MYO7B: variants seen among roughly 807,000 people sequenced by gnomAD.
MYO7B encodes myosin VIIB.
In MYO7B, 212 loss-of-function variants were observed where a neutral mutation model predicts 259.7. The observed-to-expected ratio is 0.82, with a 90% CI of 0.73 to 0.91. The LOEUF (loss-of-function observed/expected upper bound fraction) is 0.91. Among genes scored for constraint, MYO7B ranks in the 40% least tolerant of loss-of-function variants. MYO7B has a pLI of 0.00. For synonymous variants in MYO7B, 1,197 were observed against 1,166.4 expected, an observed-to-expected ratio of 1.03 and a Z score of -0.54; for missense variants, 2,732 against 2,813.5, an observed-to-expected ratio of 0.97 and a Z score of 0.66.
rs1678280637 is a variant in MYO7B at position 127,565,217 on chromosome 2, G to C, written c.133-16G>C. The C allele has an allele frequency of 6.2e-7, 1 of 1,611,500 alleles. No homozygotes were observed. Among genetic ancestry groups the C allele is most frequent in the Non-Finnish European group, 8.5e-7 (1 of 1,178,672 alleles). On this transcript the variant is annotated splice_polypyrimidine_tract_variant and intron_variant, in intron 3 of 47. Transcript: ENST00000409816. Reference sequence around the variant, plus strand: ...TGGAGGCCACCCCTCAGGGGAGTCTGCACCCATTGTTCCAGGAACACTGGA... The same window carrying C: ...TGGAGGCCACCCCTCAGGGGAGTCTCCACCCATTGTTCCAGGAACACTGGA...
At position 127,633,346 on chromosome 2, in the gene MYO7B, C is replaced by T. The variant is rs747106835; in HGVS notation, c.5494C>T (p.Pro1832Ser). 2.5e-6 allele frequency: 4 copies of T among 1,612,862 alleles called. No individual in the cohort carries two copies. In the Admixed American group the frequency reaches 6.7e-5, roughly 27 times the overall value. The stretch of plus-strand genomic sequence containing the variant: ...CCGCATCTGCCACAAGATCTACTTC[C>T]CCAATGACACCAGTGAGGTGAGGCC... ...VSRICHKIYF[P>S]NDTSEMLEVV... is the part of the protein sequence containing the mutation. The change falls in exon 40 of 48, where the codon CCC (proline) becomes TCC (serine). Residue 1832 changes from proline to serine, a missense_variant. Physicochemically the swap from Pro to Ser is moderately conservative, Grantham distance 74. Around this residue, in one of 3 missense-constraint regions of MYO7B, gnomAD observed 821 missense variants for 769.3 expected, o/e 1.07. Transcript: ENST00000409816.
chr2:127,629,423 G>C (rs146539669), intron 34 of MYO7B, among the ~76,000 whole-genome samples: 7 of 152,220 alleles, frequency 4.6e-5, no homozygotes, highest in African/African-American at 1.7e-4. Context: ...CAGAGCTCTC[G>C]AGCCCCCACC....
In MYO7B at chr2:127,636,738, A is replaced by G; in HGVS notation, c.6208-56A>G. 3 of 1,611,846 alleles carry G rather than the reference A, an allele frequency of 1.9e-6. No homozygotes were observed. The highest frequency in any genetic ancestry group is 1.3e-5 in the African/African-American group (1 of 74,938). On this transcript the variant is annotated intron_variant, in intron 46 of 47. Transcript: ENST00000409816. This position sits in a 1 kb window ranked among gnomAD's most constrained non-coding sequence, Gnocchi z 4.5. ...TCCTGCCTCTCTCCTGTCCCCTAAC[A>G]CACACAGAGCCCGTGCTCTGGAGGC...
chr2:127,627,098 G>A lies in MYO7B; in HGVS notation c.4333+6G>A, dbSNP rs1318796937. On this transcript the variant is annotated splice_donor_region_variant and intron_variant, in intron 32 of 47. Transcript: ENST00000409816. This position sits in a 1 kb window ranked among gnomAD's most constrained non-coding sequence, Gnocchi z 5.6. ...CGAAGTCATCACACTCTCAGGTAAT[G>A]GCATCTGACAGGGGGCAGGGAGCAG... is the stretch of plus-strand genomic sequence containing the variant. The A allele has an allele frequency of 1.2e-6, 2 of 1,609,230 alleles. No individual in the cohort carries two copies. The highest frequency in any genetic ancestry group is 2.2e-5 in the East Asian group (1 of 44,746).
rs530118095 is a variant in MYO7B, at chr2:127,611,419, G to C, written c.3193-831G>C. ...CAGCACCTCTGAAGGGTGGACATGG[G>C]GGGAAGCAGGACTGGCTTCCCAGAG... On this transcript the variant is annotated intron_variant, in intron 24 of 47. Coordinates refer to ENST00000409816, the MANE Select transcript of MYO7B (RefSeq NM_001393586.1). The surrounding 1 kb of genome is among the most constrained non-coding windows in gnomAD (Gnocchi z 5.4). Among the ~76,000 whole-genome samples the C allele has an allele frequency of 1.3e-5, 2 of 152,286 alleles. No individual in the cohort carries two copies. The highest frequency in any genetic ancestry group is 2.4e-5 in the African/African-American group (1 of 41,574).
intron 12 of MYO7B, among the ~76,000 whole-genome samples, chr2:127,582,664 G>A (rs768972823): frequency 4.6e-5 from 7 of 152,196 alleles, no homozygotes; most frequent in Admixed American, 2.0e-4. Flanking sequence ...CTAAGGCCCC[G>A]GCATTTGTCA....
At position 127,627,414 on chromosome 2, in the gene MYO7B, A is replaced by C; in HGVS notation, c.4460+104A>C. On this transcript the variant is annotated intron_variant, in intron 33 of 47. Coordinates refer to ENST00000409816, the MANE Select transcript of MYO7B (RefSeq NM_001393586.1). The surrounding 1 kb of genome is among the most constrained non-coding windows in gnomAD (Gnocchi z 5.6). ...GAGGGGCAGTGTGCCGTCCCGGGTA[A>C]CAGGCCGGGGTGGAGGGACAAGAAT... 6.7e-7 allele frequency: 1 copy of C among 1,483,340 alleles called. No individual in the cohort carries two copies. Among genetic ancestry groups the C allele is most frequent in the Non-Finnish European group, 9.2e-7 (1 of 1,087,546 alleles). The allele number at this position is 1,483,340 out of a possible 1,614,324, so 91.9% of individuals were successfully genotyped here. A position where few individuals can be genotyped will look rare whatever the true frequency, so the allele number is the denominator to read the frequency against.
At position 127,546,451 on chromosome 2, in the gene MYO7B, C is replaced by A. The variant is rs941983930; in HGVS notation, c.-24+10620C>A. ...CACTTGCCTTTCAGCATATTCTTAC[C>A]CACTCTACCCATACTCCAGTTCAGT... On this transcript the variant is annotated intron_variant, in intron 1 of 47. Coordinates refer to ENST00000409816, the MANE Select transcript of MYO7B (RefSeq NM_001393586.1). The surrounding 1 kb of genome is among the most constrained non-coding windows in gnomAD (Gnocchi z 4.2). Among the ~76,000 whole-genome samples, 1 of 152,192 alleles carries A rather than the reference C, an allele frequency of 6.6e-6. No individual in the cohort carries two copies. Among genetic ancestry groups the A allele is most frequent in the African/African-American group, 2.4e-5 (1 of 41,452 alleles).
At chr2:127,623,807 ACAC>A (rs1178446518) in intron 29 of MYO7B, among the ~76,000 whole-genome samples, 1 of 152,052 alleles carries the variant, frequency 6.6e-6, no homozygotes, top group Non-Finnish European at 1.5e-5. Context: ...TCAGACTCAC[ACAC>A]CAGTCATCCA....
intron 18 of MYO7B, among the ~76,000 whole-genome samples, chr2:127,596,150 T>C (rs542813819): frequency 6.6e-6 from 1 of 152,344 alleles, no homozygotes; most frequent in South Asian, 2.1e-4. Context: ...CACATGAATT[T>C]TGGGAAATAA....
intron 27 of MYO7B, 96 bp from the exon 28 acceptor site, chr2:127,621,886 A>T: frequency 1.3e-6 from 2 of 1,513,762 alleles, no homozygotes; most frequent in South Asian, 2.4e-5. Context: ...CACATTATAC[A>T]CTGAGTATTA....
At position 127,586,890 on chromosome 2, in the gene MYO7B, G is replaced by A. The variant is rs1679326121; in HGVS notation, c.1691-1502G>A. 6.6e-6 allele frequency among the ~76,000 whole-genome samples: 1 copy of A among 151,948 alleles called. No homozygotes were observed. Among genetic ancestry groups the A allele is most frequent in the South Asian group, 2.1e-4 (1 of 4,816 alleles). ...CCAGGGAGCTCCCTGCCCCTGGTGG[G>A]GAGCTCTGCCTGAGCCTCAGGGGTG... On this transcript the variant is annotated intron_variant, in intron 14 of 47. Coordinates refer to ENST00000409816, the MANE Select transcript of MYO7B (RefSeq NM_001393586.1). The surrounding 1 kb of genome is among the most constrained non-coding windows in gnomAD (Gnocchi z 4.8).
chr2:127,559,781 G>A lies in MYO7B; in HGVS notation c.18+41G>A. The A allele has an allele frequency of 6.2e-7, 1 of 1,611,714 alleles. No individual in the cohort carries two copies. The highest frequency in any genetic ancestry group is 8.5e-7 in the Non-Finnish European group (1 of 1,177,880). On this transcript the variant is annotated intron_variant, in intron 2 of 47. Transcript: ENST00000409816. This position sits in a 1 kb window ranked among gnomAD's most constrained non-coding sequence, Gnocchi z 4.1. The stretch of plus-strand genomic sequence containing the variant: ...TTTGATCTAGGGGTTATTGGTGTAA[G>A]TTACTCAAGGCCAAGTTGAATCGCT...
intron 26 of MYO7B, among the ~76,000 whole-genome samples, chr2:127,617,206 G>A (rs1445198550): frequency 2.0e-5 from 3 of 152,242 alleles, no homozygotes; most frequent in Non-Finnish European, 4.4e-5. Flanking sequence ...GCTAAAGTTC[G>A]CCTTTCTGTA....
At chr2:127,582,257 G>T in intron 11 of MYO7B, 47 bp from the exon 12 acceptor site, 1 of 1,603,346 alleles carries the variant, frequency 6.2e-7, no homozygotes, top group Non-Finnish European at 8.5e-7. Context: ...GGTAACCTCC[G>T]CCTGAGCCTC....
intron 2 of MYO7B, among the ~76,000 whole-genome samples, chr2:127,563,722 A>G (rs1445362192): frequency 3.9e-5 from 6 of 152,184 alleles, no homozygotes; most frequent in African/African-American, 1.4e-4. Context: ...TGCGTCTTCT[A>G]GTGCTCGTTT....
chr2:127,628,136 C>A lies in MYO7B; in HGVS notation c.4461-236C>A. The stretch of plus-strand genomic sequence containing the variant: ...CACACCAGCCACCTCATTATCTGCC[C>A]ACAGCCAACCCCACACATGGGCTGC... On this transcript the variant is annotated intron_variant, in intron 33 of 47. Transcript: ENST00000409816. This position sits in a 1 kb window ranked among gnomAD's most constrained non-coding sequence, Gnocchi z 4.8. The A allele has an allele frequency of 1.5e-6, 1 of 668,764 alleles. No individual in the cohort carries two copies. The highest frequency in any genetic ancestry group is 2.7e-6 in the Non-Finnish European group (1 of 364,950). 41.4% of individuals were successfully genotyped at this position (668,764 alleles called of 1,614,324 possible).
In MYO7B at chr2:127,593,638, C is replaced by A; in HGVS notation, c.2238C>A (p.Phe746Leu). ...GGAAAGCGGGGAAGACAAAAATTTTCCTGAGGGTGAGACCCCGAGGAACCA... is the reference window on the plus strand; with the variant it reads ...GGAAAGCGGGGAAGACAAAAATTTTACTGAGGGTGAGACCCCGAGGAACCA... ...KDWKAGKTKI[F>L]LRDHQDTLLE... The change falls in exon 18 of 48, where the codon TTC becomes TTA. Residue 746 changes from phenylalanine (F) to leucine (L), a missense_variant. Phe to Leu is a conservative substitution (Grantham distance 22). Coordinates refer to ENST00000409816, the MANE Select transcript of MYO7B (RefSeq NM_001393586.1). The A allele has an allele frequency of 6.2e-7, 1 of 1,613,596 alleles. No individual in the cohort carries two copies. The highest frequency in any genetic ancestry group is 1.7e-5 in the Admixed American group (1 of 60,016).
intron 26 of MYO7B, 65 bp from the exon 27 acceptor site, chr2:127,620,275 G>A (rs1680777443): frequency 1.3e-6 from 2 of 1,549,010 alleles, no homozygotes; most frequent in Non-Finnish European, 1.8e-6. Context: ...TGTGTGCCCA[G>A]GTACCCCTGT....
Sources: gnomAD v4.1 joint callset for allele counts (sites outside exome capture counted in the v4.1 genomes callset) on GRCh38, gnomAD v4.1.1 for gene constraint, gnomAD v4.1.1 regional missense constraint, Gnocchi (gnomAD v3.1) non-coding constraint, MANE v1.5 for transcripts, NCBI Gene and HGNC (gene_info 2026-07-23, HGNC 2026-07-21) for gene names.